The following NEK10 variants were observed in gnomAD, a reference collection of about 807,000 sequenced individuals.
NEK10 encodes the protein serine/threonine-protein kinase Nek10.
Under a neutral mutation model 159.8 loss-of-function variants are expected in NEK10, and 122 were observed. That is an observed-to-expected ratio of 0.76 (90% CI 0.66 to 0.89). NEK10 has a LOEUF of 0.89. NEK10 is among the 40% of genes least tolerant of loss of function. The pLI is 0.00. For synonymous variants in NEK10, 466 were observed against 457.1 expected (o/e 1.02, Z -0.25); for missense variants, 1,342 against 1,323.1 (o/e 1.01, Z -0.22).
At chr3:27,330,475 T>A (rs1292099440) in intron 5 of NEK10, among the ~76,000 whole-genome samples, 5 of 152,160 alleles carry the variant, frequency 3.3e-5, no homozygotes, top group Non-Finnish European at 2.9e-5. Flanking sequence ...ATCAGATAAG[T>A]GAAGGAAAAA....
chr3:27,295,097 C>A (rs1379836854), intron 15 of NEK10, among the ~76,000 whole-genome samples: 1 of 151,980 alleles, frequency 6.6e-6, no homozygotes, highest in African/African-American at 2.4e-5. Flanking sequence ...CTGGCCCCCA[C>A]AACCACACAC....
chr3:27,175,921 T>G (rs1947462770), intron 26 of NEK10, among the ~76,000 whole-genome samples: 1 of 152,218 alleles, frequency 6.6e-6, no homozygotes, highest in African/African-American at 2.4e-5. Context: ...AAGGCTCCAA[T>G]GATGCTCATT....
chr3:27,359,382 GTC>G (rs2048532389), intron 1 of NEK10, among the ~76,000 whole-genome samples: 2 of 152,122 alleles, frequency 1.3e-5, no homozygotes, highest in Admixed American at 1.3e-4. Flanking sequence ...CTGACAAGAA[GTC>G]TCTGTTTCTT....
At chr3:27,133,670 A>G (rs1405525222) in intron 31 of NEK10, among the ~76,000 whole-genome samples, 1 of 152,176 alleles carries the variant, frequency 6.6e-6, no homozygotes, top group Non-Finnish European at 1.5e-5. Context: ...GCTACTTGGG[A>G]GGCTGAGGCA....
In NEK10 at chr3:27,132,899, T is replaced by C. The variant is rs566526840; in HGVS notation, c.2971-909A>G. Among the ~76,000 whole-genome samples, 111 of 152,204 alleles carry C rather than the reference T, an allele frequency of 7.3e-4. 2 individuals are homozygous for C. The highest frequency in any genetic ancestry group is 2.5e-3 in the African/African-American group (104 of 41,548). On this transcript the variant is annotated intron_variant, in intron 31 of 35. Coordinates refer to ENST00000691995, the MANE Select transcript of NEK10 (RefSeq NM_001394966.1). The stretch of plus-strand genomic sequence containing the variant: ...AATGTGATAGTAAGAGATCTCAATA[T>C]TAAACAAGAATATAATTCAAAGCTC...
chr3:27,350,128 T>G (rs2047864534), intron 3 of NEK10, among the ~76,000 whole-genome samples: 1 of 152,216 alleles, frequency 6.6e-6, no homozygotes, highest in African/African-American at 2.4e-5. Flanking sequence ...CACAACTTGT[T>G]AGCGCAGAAA....
At chr3:27,252,830 A>G in intron 23 of NEK10, 1 of 479,932 alleles carries the variant, frequency 2.1e-6, no homozygotes, top group Non-Finnish European at 4.2e-6. Flanking sequence ...GGTTTGTGGT[A>G]AAGCTGAAGA....
intron 13 of NEK10, among the ~76,000 whole-genome samples, chr3:27,299,111 G>A (rs1171983826): frequency 2.0e-5 from 3 of 152,182 alleles, no homozygotes; most frequent in Non-Finnish European, 2.9e-5. Flanking sequence ...TCTCCAGGGT[G>A]TGTCAGAGAC....
At chr3:27,206,266 AG>A (rs1950539222) in intron 23 of NEK10, among the ~76,000 whole-genome samples, 1 of 152,214 alleles carries the variant, frequency 6.6e-6, no homozygotes, top group African/African-American at 2.4e-5. Flanking sequence ...TAGAAGTACT[AG>A]TCACTCTTCT....
At chr3:27,203,203 C>T (rs986275055) in intron 23 of NEK10, among the ~76,000 whole-genome samples, 6 of 152,130 alleles carry the variant, frequency 3.9e-5, no homozygotes, top group Non-Finnish European at 7.4e-5. Context: ...GCCTAGCAGG[C>T]TCACATACCT....
intron 30 of NEK10, among the ~76,000 whole-genome samples, chr3:27,146,721 T>C (rs143864960): frequency 1.0e-3 from 154 of 152,314 alleles, no homozygotes; most frequent in African/African-American, 3.4e-3. Context: ...GGATGTAGGC[T>C]AAAGAGCAAA....
At chr3:27,174,186 C>G (rs1207481555) in intron 28 of NEK10, among the ~76,000 whole-genome samples, 1 of 152,144 alleles carries the variant, frequency 6.6e-6, no homozygotes, top group African/African-American at 2.4e-5. Flanking sequence ...TCTTGACTCT[C>G]TAGTTAGAAC....
chr3:27,297,185 C>A lies in NEK10; in HGVS notation c.1224G>T (p.Val408=). The A allele has an allele frequency of 6.2e-7, 1 of 1,611,618 alleles. No homozygotes were observed. Reference sequence around the variant, plus strand: ...TGAGAAGGAGTGCTCTCACCTGAACCACCTGGTGGGCATTGGTGTCATTGA... The same window carrying A: ...TGAGAAGGAGTGCTCTCACCTGAACAACCTGGTGGGCATTGGTGTCATTGA... ...LVLNDTNAHQ[V]VQENGVYTIA... Residue 408 remains valine, a synonymous_variant, in exon 14 of 36, where the codon GTG becomes GTT. Coordinates refer to ENST00000691995, the MANE Select transcript of NEK10 (RefSeq NM_001394966.1).
At chr3:27,282,550 A>ATATATATATACATAACTGTGT (rs770045475) in intron 22 of NEK10, among the ~76,000 whole-genome samples, 1 of 140,968 alleles carries the variant, frequency 7.1e-6, no homozygotes, top group Non-Finnish European at 1.5e-5. Context: ...ATATATATAT[A>ATATATATATACATAACTGTGT]TATATATATA....
At chr3:27,138,748 C>T (rs1230073570) in intron 31 of NEK10, among the ~76,000 whole-genome samples, 6 of 152,156 alleles carry the variant, frequency 3.9e-5, no homozygotes, top group Non-Finnish European at 7.3e-5. Context: ...TTTGTTTGTT[C>T]CTTTGCTTGT....
At chr3:27,225,453 A>T (rs1307732746) in intron 23 of NEK10, among the ~76,000 whole-genome samples, 2 of 151,436 alleles carry the variant, frequency 1.3e-5, no homozygotes, top group African/African-American at 4.9e-5. Flanking sequence ...ATGTGCACAT[A>T]ATGTCCCCTC....
chr3:27,271,142 A>G (rs980837214), intron 22 of NEK10, among the ~76,000 whole-genome samples: 1 of 146,338 alleles, frequency 6.8e-6, no homozygotes. Flanking sequence ...CCATCCATCT[A>G]TCTATCTTCT....
intron 13 of NEK10, among the ~76,000 whole-genome samples, chr3:27,297,638 CA>C (rs1298097725): frequency 6.6e-6 from 1 of 152,200 alleles, no homozygotes; most frequent in Non-Finnish European, 1.5e-5. Context: ...TTATTCAACT[CA>C]ATCCTTATAA....
intron 23 of NEK10, among the ~76,000 whole-genome samples, chr3:27,243,835 GT>G (rs1954802660): frequency 1.9e-5 from 1 of 52,774 alleles, no homozygotes; most frequent in African/African-American, 5.8e-5. Context: ...CCATGGGTGT[GT>G]GTGTGTGTGT....
Sources: gnomAD v4.1 joint callset for allele counts (sites outside exome capture counted in the v4.1 genomes callset) on GRCh38, gnomAD v4.1.1 for gene constraint, MANE v1.5 for transcripts, NCBI Gene and HGNC (gene_info 2026-07-23, HGNC 2026-07-21) for gene names.